The following CTNNA2 variants were observed in gnomAD, a reference collection of about 807,000 sequenced individuals.
CTNNA2 encodes the protein catenin alpha-2.
A neutral mutation model predicts 101.0 loss-of-function variants in CTNNA2; 42 were observed. The observed-to-expected ratio is 0.42, with a 90% confidence interval of 0.32 to 0.54. The LOEUF is 0.54. Ranked by LOEUF, CTNNA2 falls within the 20% of genes least tolerant of loss-of-function variation. The probability of loss-of-function intolerance (pLI) is 0.14; values close to 1 mark genes in which losing one functional copy is unlikely to be tolerated. For missense variants in CTNNA2, 871 were observed against 1,223.1 expected (o/e 0.71, Z 4.29); for synonymous variants, 450 against 456.4 (o/e 0.99, Z 0.18).
At chr2:79,595,984 TG>T (rs544012274) in intron 1 of CTNNA2, among the ~76,000 whole-genome samples, 1 of 151,294 alleles carries the variant, frequency 6.6e-6, no homozygotes, top group Admixed American at 6.6e-5. Context: ...TTCTCTTTAA[TG>T]CCTACATGCT....
chr2:79,375,413 G>A (rs17016980), intron 4 of CTNNA2, among the ~76,000 whole-genome samples: 8 of 152,238 alleles, frequency 5.3e-5, no homozygotes, highest in Non-Finnish European at 8.8e-5. Flanking sequence ...TTTCGCCATC[G>A]TTCCTTCTTT....
Position 79,852,234 on chromosome 2 carries a change from G to A in CTNNA2, c.299-5779G>A, listed in dbSNP as rs116673078. 5.2e-3 allele frequency among the ~76,000 whole-genome samples: 789 copies of A among 152,320 alleles called. 5 individuals are homozygous for A. Among genetic ancestry groups the A allele is most frequent in the African/African-American group, 0.018 (758 of 41,578 alleles). On this transcript the variant is annotated intron_variant, in intron 3 of 18. Transcript: ENST00000402739. Reference sequence around the variant, plus strand: ...TGCATACAGAACTGTCTAGAAGCTAGCTCATCGGATGTTGTCCTTGGTTAT... The same window carrying A: ...TGCATACAGAACTGTCTAGAAGCTAACTCATCGGATGTTGTCCTTGGTTAT...
chr2:79,787,782 AT>A (rs1385957597), intron 3 of CTNNA2, among the ~76,000 whole-genome samples: 3 of 151,590 alleles, frequency 2.0e-5, no homozygotes, highest in Non-Finnish European at 2.9e-5. Flanking sequence ...TTATCTATTG[AT>A]CCTCTTACCT....
intron 7 of CTNNA2, among the ~76,000 whole-genome samples, chr2:79,915,253 G>A (rs1047809736): frequency 9.3e-4 from 141 of 152,016 alleles, no homozygotes; most frequent in African/African-American, 3.2e-3. Flanking sequence ...TTTGGTATGT[G>A]TCTTTCCAAT....
chr2:79,984,738 A>G (rs141932255), intron 7 of CTNNA2, among the ~76,000 whole-genome samples: 1 of 152,132 alleles, frequency 6.6e-6, no homozygotes, highest in African/African-American at 2.4e-5. Context: ...CCCTGCCATT[A>G]TTGCTCCCTG....
intron 7 of CTNNA2, among the ~76,000 whole-genome samples, chr2:79,992,892 C>T (rs1692281259): frequency 6.6e-6 from 1 of 152,164 alleles, no homozygotes; most frequent in South Asian, 2.1e-4. Flanking sequence ...TATAACCAAA[C>T]ACTATCTTCT....
intron 2 of CTNNA2, among the ~76,000 whole-genome samples, chr2:79,736,735 G>A (rs369605079): frequency 2.0e-5 from 3 of 152,090 alleles, no homozygotes; most frequent in African/African-American, 4.8e-5. Flanking sequence ...CTGAGTAATC[G>A]TGAAGATTGA....
intron 3 of CTNNA2, among the ~76,000 whole-genome samples, chr2:79,834,989 G>A (rs1290242890): frequency 1.3e-5 from 2 of 152,018 alleles, no homozygotes; most frequent in East Asian, 3.9e-4. Flanking sequence ...TGTAAGTTGA[G>A]CTGTTTGCAG....
At chr2:80,436,467 G>A (rs1385402019) in intron 9 of CTNNA2, among the ~76,000 whole-genome samples, 1 of 151,912 alleles carries the variant, frequency 6.6e-6, no homozygotes, top group Admixed American at 6.6e-5. Flanking sequence ...AAACAACAAC[G>A]GGGGTTTGGG....
chr2:80,073,951 T>G (rs1474260675), intron 7 of CTNNA2, among the ~76,000 whole-genome samples: 1 of 152,170 alleles, frequency 6.6e-6, no homozygotes, highest in Admixed American at 6.5e-5. Context: ...TTCTAACAGA[T>G]AGTCCAGTAT....
chr2:80,227,210 T>C (rs1354804482), intron 7 of CTNNA2, among the ~76,000 whole-genome samples: 1 of 152,204 alleles, frequency 6.6e-6, no homozygotes, highest in East Asian at 1.9e-4. Flanking sequence ...TGAATTTTCA[T>C]GGGCCTGTGT....
intron 1 of CTNNA2, among the ~76,000 whole-genome samples, chr2:79,525,975 G>A (rs1463792922): frequency 6.6e-6 from 1 of 151,958 alleles, no homozygotes; most frequent in Admixed American, 6.6e-5. Context: ...ATGACTGGTT[G>A]CCTTTGGAAA....
chr2:80,001,680 A>C (rs1211151608), intron 7 of CTNNA2, among the ~76,000 whole-genome samples: 2 of 152,162 alleles, frequency 1.3e-5, no homozygotes, highest in African/African-American at 4.8e-5. Flanking sequence ...AGCAATTTGC[A>C]GACTGAATTC....
intron 7 of CTNNA2, among the ~76,000 whole-genome samples, chr2:80,175,611 T>A (rs1437943001): frequency 6.6e-6 from 1 of 152,174 alleles, no homozygotes. Context: ...GTTTGGGTTG[T>A]CTAGAGGGAT....
intron 9 of CTNNA2, among the ~76,000 whole-genome samples, chr2:80,505,864 G>C (rs1390184736): frequency 6.6e-6 from 1 of 152,140 alleles, no homozygotes; most frequent in Non-Finnish European, 1.5e-5. Context: ...TTAACTGTAA[G>C]TGCTATACCT....
chr2:80,612,029 T>G (rs1698509774), intron 17 of CTNNA2, among the ~76,000 whole-genome samples: 1 of 151,628 alleles, frequency 6.6e-6, no homozygotes, highest in East Asian at 1.9e-4. Flanking sequence ...GTTGCTTAAG[T>G]CCTTGGGCTG....
chr2:80,387,158 G>A (rs894184830), intron 7 of CTNNA2, among the ~76,000 whole-genome samples: 4 of 151,940 alleles, frequency 2.6e-5, no homozygotes, highest in African/African-American at 7.3e-5. Context: ...GCGTGGTGGC[G>A]GGCACCTGTA....
At chr2:79,225,696 T>C (rs1438675690) in intron 2 of CTNNA2, among the ~76,000 whole-genome samples, 1 of 152,130 alleles carries the variant, frequency 6.6e-6, no homozygotes, top group Non-Finnish European at 1.5e-5. Context: ...ATTTGAGTTA[T>C]AGAATAAAGT....
At chr2:80,343,251 A>G (rs1285718806) in intron 7 of CTNNA2, among the ~76,000 whole-genome samples, 1 of 152,110 alleles carries the variant, frequency 6.6e-6, no homozygotes, top group Non-Finnish European at 1.5e-5. Context: ...TAATTTTTTA[A>G]TATTCTCTTG....
Sources: gnomAD v4.1 joint callset for allele counts (sites outside exome capture counted in the v4.1 genomes callset) on GRCh38, gnomAD v4.1.1 for gene constraint, MANE v1.5 for transcripts, NCBI Gene and HGNC (gene_info 2026-07-23, HGNC 2026-07-21) for gene names.